The following NRXN3 variants were observed in gnomAD, a reference collection of about 807,000 sequenced individuals.
The protein encoded by NRXN3 is neurexin 3.
A neutral mutation model predicts 137.6 loss-of-function variants in NRXN3; 32 were observed. That is an observed-to-expected ratio of 0.23 (90% CI 0.18 to 0.31). The LOEUF (loss-of-function observed/expected upper bound fraction) is 0.31, where lower values mean the gene tolerates loss of function less well. Ranked by LOEUF, NRXN3 falls within the 10% of genes least tolerant of loss-of-function variation. The probability of loss-of-function intolerance (pLI) is 1.00; values close to 1 mark genes in which losing one functional copy is unlikely to be tolerated. For missense variants in NRXN3, 1,574 were observed against 2,062.5 expected (o/e 0.76, Z 4.59); for synonymous variants, 798 against 784.5 (o/e 1.02, Z -0.29).
At chr14:79,252,650 G>T (rs1438025271) in intron 15 of NRXN3, among the ~76,000 whole-genome samples, 5 of 152,194 alleles carry the variant, frequency 3.3e-5, no homozygotes, top group African/African-American at 7.2e-5. Context: ...CAGGATTTCA[G>T]AGGGTGCGAG....
chr14:78,620,932 G>A (rs2097397773), intron 4 of NRXN3, among the ~76,000 whole-genome samples: 1 of 152,138 alleles, frequency 6.6e-6, no homozygotes, highest in Non-Finnish European at 1.5e-5. Context: ...CAAGTTAAGA[G>A]TCTCCAGAAT....
At chr14:78,592,318 G>A (rs1345876964) in intron 4 of NRXN3, among the ~76,000 whole-genome samples, 1 of 152,106 alleles carries the variant, frequency 6.6e-6, no homozygotes, top group Non-Finnish European at 1.5e-5. Flanking sequence ...ACTTTGGCCT[G>A]ATGCAAAAGA....
At chr14:79,038,939 C>A (rs553775907) in intron 15 of NRXN3, among the ~76,000 whole-genome samples, 9 of 152,146 alleles carry the variant, frequency 5.9e-5, no homozygotes, top group African/African-American at 1.7e-4. Flanking sequence ...CCTGGAATGC[C>A]ATCTTTAATG....
At chr14:79,118,828 C>T (rs1374895874) in intron 15 of NRXN3, among the ~76,000 whole-genome samples, 1 of 152,100 alleles carries the variant, frequency 6.6e-6, no homozygotes, top group Non-Finnish European at 1.5e-5. Flanking sequence ...GCAGTATCCC[C>T]AAAGACATTT....
At position 79,668,038 on chromosome 14, in the gene NRXN3, G is replaced by A. The variant is rs142586483; in HGVS notation, c.3616+4089G>A. ...AGCTTCAATCTTTGTATGTCAGGGG[G>A]TGCTGAGGAGAGCAGGGCATACCAA... On this transcript the variant is annotated intron_variant, in intron 17 of 20. Coordinates refer to ENST00000335750, the MANE Select transcript of NRXN3 (RefSeq NM_001330195.2). Among the ~76,000 whole-genome samples, 6 of 151,984 alleles carry A rather than the reference G, an allele frequency of 3.9e-5. No homozygotes were observed. The South Asian group carries it at 6.2e-4, about 16-fold the overall frequency.
At chr14:79,365,108 C>A (rs1192190497) in intron 15 of NRXN3, among the ~76,000 whole-genome samples, 1 of 152,086 alleles carries the variant, frequency 6.6e-6, no homozygotes, top group African/African-American at 2.4e-5. Flanking sequence ...ATCAGAATAT[C>A]ACATTTCGGG....
intron 15 of NRXN3, among the ~76,000 whole-genome samples, chr14:79,135,934 A>C (rs1005374174): frequency 6.6e-6 from 1 of 152,208 alleles, no homozygotes. Context: ...CTAGTGTACT[A>C]TCCTGCTTCC....
At chr14:79,391,073 G>A (rs747619352) in intron 15 of NRXN3, among the ~76,000 whole-genome samples, 5 of 152,052 alleles carry the variant, frequency 3.3e-5, no homozygotes, top group African/African-American at 4.8e-5. Context: ...GTAAGGCTCT[G>A]TTCTTTGTAA....
chr14:78,431,183 T>C (rs1329970303), intron 4 of NRXN3, among the ~76,000 whole-genome samples: 1 of 152,226 alleles, frequency 6.6e-6, no homozygotes, highest in African/African-American at 2.4e-5. Context: ...GGTTCCCTCT[T>C]TATTACCAGA....
intron 15 of NRXN3, among the ~76,000 whole-genome samples, chr14:79,246,429 C>A (rs183747358): frequency 1.3e-5 from 2 of 152,138 alleles, no homozygotes; most frequent in Non-Finnish European, 2.9e-5. Context: ...TGACTCTGTC[C>A]GAGGTTCTGC....
At chr14:79,332,411 T>TC (rs1212476018) in intron 15 of NRXN3, among the ~76,000 whole-genome samples, 1 of 152,304 alleles carries the variant, frequency 6.6e-6, no homozygotes, top group East Asian at 1.9e-4. Context: ...GTAGTTCCAG[T>TC]CCGCAATACG....
At chr14:79,427,790 C>G (rs1248541977) in intron 15 of NRXN3, among the ~76,000 whole-genome samples, 1 of 151,154 alleles carries the variant, frequency 6.6e-6, no homozygotes, top group Non-Finnish European at 1.5e-5. Flanking sequence ...TGAGATCGCA[C>G]CACTGCACTC....
At chr14:79,456,638 A>G (rs1193741770) in intron 15 of NRXN3, among the ~76,000 whole-genome samples, 2 of 151,722 alleles carry the variant, frequency 1.3e-5, no homozygotes, top group African/African-American at 2.4e-5. Context: ...GAGACAGGAG[A>G]ATCTCTTGAA....
At chr14:79,775,580 T>C (rs1603483081) in intron 19 of NRXN3, among the ~76,000 whole-genome samples, 1 of 127,600 alleles carries the variant, frequency 7.8e-6, no homozygotes, top group Non-Finnish European at 1.6e-5. Context: ...AAAAGGAGAA[T>C]CCAGTAGGAA....
At chr14:79,297,948 TGTTTCTAAAAAGA>T (rs1307632168) in intron 15 of NRXN3, among the ~76,000 whole-genome samples, 1 of 152,106 alleles carries the variant, frequency 6.6e-6, no homozygotes, top group Non-Finnish European at 1.5e-5. Context: ...AGGAGAGTAT[TGTTTCTAAAAAGA>T]CAGCCATTTA....
chr14:79,838,374 G>A (rs952715776), intron 20 of NRXN3, among the ~76,000 whole-genome samples: 1 of 152,212 alleles, frequency 6.6e-6, no homozygotes, highest in East Asian at 1.9e-4. Flanking sequence ...AGTGGAGACT[G>A]TAAGTGGGTT....
At chr14:79,577,192 A>T (rs1320689577) in intron 16 of NRXN3, among the ~76,000 whole-genome samples, 1 of 152,144 alleles carries the variant, frequency 6.6e-6, no homozygotes, top group Non-Finnish European at 1.5e-5. Flanking sequence ...AGCCTTGTGG[A>T]ACTGTGAGTC....
intron 15 of NRXN3, among the ~76,000 whole-genome samples, chr14:79,240,758 CA>C (rs1597685408): frequency 6.6e-6 from 1 of 152,004 alleles, no homozygotes; most frequent in East Asian, 1.9e-4. Flanking sequence ...AGATAAAACA[CA>C]GAGCAGTGTA....
chr14:78,874,938 A>T (rs2099110329), intron 10 of NRXN3, among the ~76,000 whole-genome samples: 1 of 152,224 alleles, frequency 6.6e-6, no homozygotes, highest in African/African-American at 2.4e-5. Context: ...AGAATCCATC[A>T]ATTAAACTGT....
Sources: gnomAD v4.1 joint callset for allele counts (sites outside exome capture counted in the v4.1 genomes callset) on GRCh38, gnomAD v4.1.1 for gene constraint, MANE v1.5 for transcripts, NCBI Gene and HGNC (gene_info 2026-07-23, HGNC 2026-07-21) for gene names.